YIPF4: variants seen among roughly 807,000 people sequenced by gnomAD.
YIPF4 encodes the protein Yip1 domain family member 4.
A neutral mutation model predicts 29.4 loss-of-function variants in YIPF4; 18 were observed. The ratio of observed to expected loss-of-function variants is 0.61; its 90% CI spans 0.42 to 0.91. YIPF4 has a LOEUF of 0.91. Ranked by LOEUF, YIPF4 falls within the 40% of genes least tolerant of loss-of-function variation. The probability of loss-of-function intolerance (pLI) is 0.00; values close to 1 mark genes in which losing one functional copy is unlikely to be tolerated. For synonymous variants in YIPF4, 115 were observed against 104.7 expected (o/e 1.10, Z -0.60); for missense variants, 279 against 282.7 (o/e 0.99, Z 0.09).
intron 3 of YIPF4, among the ~76,000 whole-genome samples, chr2:32,292,910 CTGG>C (rs1346386026): frequency 6.7e-6 from 1 of 149,210 alleles, no homozygotes; most frequent in African/African-American, 2.5e-5. Flanking sequence ...GTATGGCACA[CTGG>C]GGTAAATGAA....
chr2:32,302,194 C>G (rs914954065), intron 5 of YIPF4, among the ~76,000 whole-genome samples: 3 of 151,622 alleles, frequency 2.0e-5, no homozygotes, highest in Non-Finnish European at 4.4e-5. Context: ...CCACACCTAG[C>G]TAATTTTTGT....
At chr2:32,289,651 C>G (rs988859096) in intron 1 of YIPF4, among the ~76,000 whole-genome samples, 1 of 152,092 alleles carries the variant, frequency 6.6e-6, no homozygotes, top group African/African-American at 2.4e-5. Flanking sequence ...TTAACTATTT[C>G]CATTTTTTAA....
At chr2:32,287,499 C>A (rs1333091985) in intron 1 of YIPF4, among the ~76,000 whole-genome samples, 1 of 152,134 alleles carries the variant, frequency 6.6e-6, no homozygotes, top group Admixed American at 6.5e-5. Context: ...ACAAAATGTT[C>A]ATTGTTTATT....
intron 3 of YIPF4, among the ~76,000 whole-genome samples, chr2:32,295,187 T>C (rs2031130732): frequency 6.6e-6 from 1 of 152,226 alleles, no homozygotes; most frequent in South Asian, 2.1e-4. Context: ...ACTGGTATTT[T>C]AATCCCTTTG....
intron 1 of YIPF4, among the ~76,000 whole-genome samples, chr2:32,279,520 C>T (rs1373033551): frequency 1.3e-5 from 2 of 150,834 alleles, no homozygotes; most frequent in African/African-American, 2.4e-5. Flanking sequence ...GCCTCAGCCT[C>T]CCGTGTAGCT....
intron 5 of YIPF4, 127 bp from the exon 6 acceptor site, chr2:32,305,362 T>C (rs2031540328): frequency 8.1e-6 from 9 of 1,108,554 alleles, no homozygotes; most frequent in South Asian, 7.6e-5. Flanking sequence ...TAACAAGTTT[T>C]ACTATTTACC....
intron 3 of YIPF4, among the ~76,000 whole-genome samples, chr2:32,292,641 T>TC (rs1341756712): frequency 1.3e-5 from 2 of 151,874 alleles, no homozygotes; most frequent in African/African-American, 4.8e-5. Context: ...GGTGGGTGGA[T>TC]CACGGGGTCA....
rs2031785399 is a variant in YIPF4, at chr2:32,314,619, G to A, written c.*8993G>A. On this transcript the variant is annotated 3_prime_UTR_variant, in exon 6 of 6. Transcript: ENST00000238831. ...ACCTGGGAGGTGGAGAGTGTGGTGAGCTGAGATGTCACCATTGCACTCCAG... is the reference window on the plus strand; with the variant it reads ...ACCTGGGAGGTGGAGAGTGTGGTGAACTGAGATGTCACCATTGCACTCCAG... 1.3e-5 allele frequency: 2 copies of A among 152,110 alleles called. No individual in the cohort carries two copies. The highest frequency in any genetic ancestry group is 1.5e-5 in the Non-Finnish European group (1 of 68,062). 9.4% of individuals were successfully genotyped at this position (152,110 alleles called of 1,614,324 possible).
intron 1 of YIPF4, among the ~76,000 whole-genome samples, chr2:32,289,079 C>T (rs1308956920): frequency 2.0e-5 from 3 of 152,198 alleles, no homozygotes; most frequent in Non-Finnish European, 2.9e-5. Context: ...AGAGTATTTT[C>T]ACTATGCAAT....
chr2:32,316,160 T>C lies in YIPF4; in HGVS notation c.*10534T>C, dbSNP rs2031828788. 6.7e-6 allele frequency: 1 copy of C among 149,536 alleles called. No homozygotes were observed. Among genetic ancestry groups the C allele is most frequent in the African/African-American group, 2.5e-5 (1 of 40,352 alleles). 9.3% of individuals were successfully genotyped at this position (149,536 alleles called of 1,614,324 possible). On this transcript the variant is annotated 3_prime_UTR_variant, in exon 6 of 6. Coordinates refer to ENST00000238831, the MANE Select transcript of YIPF4 (RefSeq NM_032312.4). ...AGATGAACTACAAATTGGGGAAAAA[T>C]ATTTGTAGGACTTATGTAGACAAAG... is the stretch of plus-strand genomic sequence containing the variant.
At chr2:32,284,796 C>T (rs568437588) in intron 1 of YIPF4, among the ~76,000 whole-genome samples, 7 of 152,254 alleles carry the variant, frequency 4.6e-5, no homozygotes, top group African/African-American at 1.7e-4. Flanking sequence ...GTCCCTGAGA[C>T]AAACAGAATC....
At chr2:32,294,040 G>C (rs2031057210) in intron 3 of YIPF4, among the ~76,000 whole-genome samples, 3 of 141,444 alleles carry the variant, frequency 2.1e-5, no homozygotes, top group South Asian at 2.3e-4. Context: ...CGGGCAGAGG[G>C]GCTCCTCACT....
chr2:32,278,567 G>T (rs1245753546), intron 1 of YIPF4, among the ~76,000 whole-genome samples: 1 of 152,114 alleles, frequency 6.6e-6, no homozygotes, highest in Non-Finnish European at 1.5e-5. Flanking sequence ...CCCTTACTCA[G>T]AAAAAGGACA....
Position 32,290,538 on chromosome 2 carries a change from T to C in YIPF4, c.135T>C (p.Phe45=). ...TCAAATTAAATCTTGGTGGAGATTT[T>C]ATCAAAGAATCTACAGCTACTACAT... The part of the protein sequence containing the change: ...PDVKLNLGGD[F]IKESTATTFL... Residue 45 remains phenylalanine, a synonymous_variant, in exon 2 of 6, where the codon TTT becomes TTC. Transcript: ENST00000238831. The C allele has an allele frequency of 6.3e-7, 1 of 1,582,786 alleles. No individual in the cohort carries two copies. The highest frequency in any genetic ancestry group is 8.6e-7 in the Non-Finnish European group (1 of 1,165,372).
intron 1 of YIPF4, among the ~76,000 whole-genome samples, chr2:32,288,776 C>T (rs2030790224): frequency 6.6e-6 from 1 of 152,126 alleles, no homozygotes; most frequent in African/African-American, 2.4e-5. Context: ...CCCCACTGCA[C>T]TCCAGCCTGG....
intron 5 of YIPF4, among the ~76,000 whole-genome samples, chr2:32,302,804 A>G (rs968842292): frequency 6.6e-6 from 1 of 152,192 alleles, no homozygotes; most frequent in Non-Finnish European, 1.5e-5. Context: ...GTTTTTAAGT[A>G]GCTGAGCCAC....
In YIPF4 at chr2:32,305,590, A is replaced by G. The variant is rs781039140; in HGVS notation, c.699A>G (p.Leu233=). ...KPLLIYPIFL[L]YIYFLSLYTG... The stretch of plus-strand genomic sequence containing the variant: ...TTCTGATTTATCCAATCTTTTTATT[A>G]TACATTTATTTTTTGTCGTTATATA... Residue 233 remains leucine (L), a synonymous_variant, in exon 6 of 6, where the codon TTA becomes TTG. Transcript: ENST00000238831. 1.2e-6 allele frequency: 2 copies of G among 1,607,896 alleles called. No homozygotes were observed. Among genetic ancestry groups the G allele is most frequent in the South Asian group, 2.2e-5 (2 of 89,834 alleles).
intron 1 of YIPF4, among the ~76,000 whole-genome samples, chr2:32,281,263 C>A (rs2030400479): frequency 6.7e-6 from 1 of 148,682 alleles, no homozygotes; most frequent in African/African-American, 2.5e-5. Flanking sequence ...TTTTTTGAGA[C>A]AGAGTTTCAC....
rs148945526 is a variant in YIPF4 at position 32,289,680 on chromosome 2, G to A, written c.80-803G>A. Among the ~76,000 whole-genome samples the A allele has an allele frequency of 6.4e-3, 976 of 152,218 alleles. 8 individuals carry two copies. The highest frequency in any genetic ancestry group is 0.022 in the African/African-American group (925 of 41,534). On this transcript the variant is annotated intron_variant, in intron 1 of 5. Transcript: ENST00000238831. ...TTTTTAACTAGCAAAGATGGCATTA[G>A]TACTACCATGATTATCTGTAACCCC...
Sources: gnomAD v4.1 joint callset for allele counts (sites outside exome capture counted in the v4.1 genomes callset) on GRCh38, gnomAD v4.1.1 for gene constraint, MANE v1.5 for transcripts, NCBI Gene and HGNC (gene_info 2026-07-23, HGNC 2026-07-21) for gene names.